Variants in BAHD1 observed in about 807,000 individuals in gnomAD.
The protein encoded by BAHD1 is bromo adjacent homology domain containing 1.
BAHD1 carries 20 observed loss-of-function variants against 63.1 expected under a neutral mutation model. The ratio of observed to expected loss-of-function variants is 0.32; its 90% confidence interval spans 0.22 to 0.46. The LOEUF (loss-of-function observed/expected upper bound fraction) is 0.46. Among genes scored for constraint, BAHD1 ranks in the 20% least tolerant of loss-of-function variants. The probability of loss-of-function intolerance (pLI) is 1.00; values close to 1 mark genes in which losing one functional copy is unlikely to be tolerated. For synonymous variants in BAHD1, 408 were observed against 426.8 expected (o/e 0.96, Z 0.54); for missense variants, 939 against 1,071.8 (o/e 0.88, Z 1.73).
At chr15:40,438,748 C>T (rs866444407), upstream of BAHD1, among the ~76,000 whole-genome samples, 127 of 152,336 alleles carry the variant, frequency 8.3e-4, no homozygotes, top group African/African-American at 2.5e-3. Flanking sequence ...CTCGGCTGAA[C>T]GTGGGCTTCC....
At chr15:40,438,188 G>C (rs1053280384), upstream of BAHD1, among the ~76,000 whole-genome samples, 1 of 120,964 alleles carries the variant, frequency 8.3e-6, no homozygotes, top group South Asian at 3.8e-4. Context: ...ATTCACTCAG[G>C]AAAGGTTACA....
intron 1 of BAHD1, among the ~76,000 whole-genome samples, chr15:40,442,305 G>T (rs1893426309): frequency 6.6e-6 from 1 of 152,022 alleles, no homozygotes; most frequent in Non-Finnish European, 1.5e-5. Context: ...GGACTGCGGG[G>T]GCCGGGGCGC....
intron 1 of BAHD1, among the ~76,000 whole-genome samples, chr15:40,442,765 T>C (rs1426342145): frequency 6.6e-6 from 1 of 152,224 alleles, no homozygotes. Flanking sequence ...AGGAATTTAA[T>C]AATGAAATAA....
In BAHD1 at chr15:40,458,664, C is replaced by T; in HGVS notation, c.200C>T (p.Pro67Leu). Residue 67 changes from proline (P) to leucine (L), a missense_variant, in exon 2 of 7, where the codon CCC becomes CTC. By Grantham distance (98) the Pro-to-Leu change is moderately conservative. Coordinates refer to ENST00000416165, the MANE Select transcript of BAHD1 (RefSeq NM_014952.5). This position sits in a 1 kb window ranked among gnomAD's most constrained non-coding sequence, Gnocchi z 4.7. ...LRKRPLVPEK[P>L]KACKVLLTRL... Reference sequence around the variant, plus strand: ...AAGCGCCCATTGGTTCCTGAGAAGCCCAAGGCCTGCAAAGTGCTGCTGACT... The same window carrying T: ...AAGCGCCCATTGGTTCCTGAGAAGCTCAAGGCCTGCAAAGTGCTGCTGACT... 1 of 1,613,880 alleles carries T rather than the reference C, an allele frequency of 6.2e-7. No homozygotes were observed.
chr15:40,452,904 A>G (rs1449377626), intron 1 of BAHD1, among the ~76,000 whole-genome samples: 2 of 152,194 alleles, frequency 1.3e-5, no homozygotes, highest in African/African-American at 4.8e-5. Context: ...GCAAGGGAAA[A>G]GGAGTGTCAT....
Position 40,467,657 on chromosome 15 carries a change from G to A in BAHD1, c.*1527G>A, listed in dbSNP as rs908792267. 20 of 152,692 alleles carry A rather than the reference G, an allele frequency of 1.3e-4. No homozygotes were observed. Among genetic ancestry groups the A allele is most frequent in the African/African-American group, 4.8e-4 (20 of 41,450 alleles). 9.5% of individuals were successfully genotyped at this position (152,692 alleles called of 1,614,324 possible). On this transcript the variant is annotated 3_prime_UTR_variant, in exon 7 of 7. Coordinates refer to ENST00000416165, the MANE Select transcript of BAHD1 (RefSeq NM_014952.5). ...CTTAGTAGATGAGTTGCTCCTGATT[G>A]GTCATTGGGTTTGGGTGAGGCCTGG...
At chr15:40,448,458 C>G (rs1893608253) in intron 1 of BAHD1, among the ~76,000 whole-genome samples, 1 of 152,138 alleles carries the variant, frequency 6.6e-6, no homozygotes, top group Non-Finnish European at 1.5e-5. Context: ...CCTGTGATGC[C>G]CTAAGTAGAG....
chr15:40,463,519 T>G (rs1234297747), intron 3 of BAHD1, among the ~76,000 whole-genome samples: 1 of 152,228 alleles, frequency 6.6e-6, no homozygotes, highest in Non-Finnish European at 1.5e-5. Context: ...GTGCCCCTTA[T>G]AACAGTGGTT....
At chr15:40,462,967 C>G (rs994965554) in intron 3 of BAHD1, among the ~76,000 whole-genome samples, 3 of 151,644 alleles carry the variant, frequency 2.0e-5, no homozygotes, top group African/African-American at 7.3e-5. Context: ...GAGACCCTGG[C>G]TTTTAAAATT....
chr15:40,464,130 C>A, intron 4 of BAHD1, 110 bp downstream of exon 4: 3 of 1,287,620 alleles, frequency 2.3e-6, no homozygotes, highest in African/African-American at 1.5e-5. Context: ...TCCCCGTGTT[C>A]CTGGCACAGA....
chr15:40,442,935 C>T (rs1306780759), intron 1 of BAHD1, among the ~76,000 whole-genome samples: 2 of 152,176 alleles, frequency 1.3e-5, no homozygotes, highest in Non-Finnish European at 2.9e-5. Flanking sequence ...GCTTAGGAAC[C>T]ACTGGCTTAA....
rs1894195614 is a variant in BAHD1 at position 40,466,086 on chromosome 15, G to T, written c.2299G>T (p.Val767Phe). The T allele has an allele frequency of 6.2e-7, 1 of 1,614,020 alleles. No homozygotes were observed. The highest frequency in any genetic ancestry group is 1.1e-5 in the South Asian group (1 of 91,094). Reference sequence around the variant, plus strand: ...TGAGCTGGTGTTCCTTTGCCGCCATGTCTATGACTTCCGCCACGGGCGCAT... The same window carrying T: ...TGAGCTGGTGTTCCTTTGCCGCCATTTCTATGACTTCCGCCACGGGCGCAT... ...DPELVFLCRH[V>F]YDFRHGRILK... is the part of the protein sequence containing the mutation. The change falls in exon 7 of 7, where the codon GTC becomes TTC. Residue 767 changes from valine to phenylalanine, a missense_variant. Val to Phe is a conservative substitution (Grantham distance 50). Around this residue, in one of 5 missense-constraint regions of BAHD1, gnomAD observed 68 missense variants for 86.2 expected, o/e 0.79. Transcript: ENST00000416165.
intron 2 of BAHD1, among the ~76,000 whole-genome samples, chr15:40,460,159 C>G (rs529214644): frequency 1.3e-5 from 2 of 152,308 alleles, no homozygotes; most frequent in South Asian, 4.1e-4. Context: ...GGTAGCATTG[C>G]AGTGGTACAG....
chr15:40,462,966 G>T (rs1450849461), intron 3 of BAHD1, among the ~76,000 whole-genome samples: 1 of 151,186 alleles, frequency 6.6e-6, no homozygotes, highest in Non-Finnish European at 1.5e-5. Flanking sequence ...AGAGACCCTG[G>T]CTTTTAAAAT....
At chr15:40,450,891 A>G (rs996457112) in intron 1 of BAHD1, among the ~76,000 whole-genome samples, 1 of 152,060 alleles carries the variant, frequency 6.6e-6, no homozygotes, top group African/African-American at 2.4e-5. Context: ...TAATCCTAAC[A>G]CTTTGGGAAT....
At chr15:40,447,152 G>C (rs1893562063) in intron 1 of BAHD1, among the ~76,000 whole-genome samples, 1 of 152,200 alleles carries the variant, frequency 6.6e-6, no homozygotes, top group South Asian at 2.1e-4. Flanking sequence ...GCCAGAAGGA[G>C]GGGTGAAGTC....
chr15:40,450,683 G>T (rs952231084), intron 1 of BAHD1, among the ~76,000 whole-genome samples: 8 of 152,150 alleles, frequency 5.3e-5, no homozygotes, highest in Non-Finnish European at 1.5e-5. Context: ...GTGTAGGTTT[G>T]CCTCTGGCTG....
rs1893986889 is a variant in BAHD1, at chr15:40,459,892, A to G, written c.1428A>G (p.Ala476=). The G allele has an allele frequency of 6.3e-7, 1 of 1,580,158 alleles. No homozygotes were observed. The highest frequency in any genetic ancestry group is 8.6e-7 in the Non-Finnish European group (1 of 1,161,814). Residue 476 remains alanine, a synonymous_variant, in exon 2 of 7, where the codon GCA becomes GCG. Coordinates refer to ENST00000416165, the MANE Select transcript of BAHD1 (RefSeq NM_014952.5). ...CGGCPYKMPF[A]AEGCRSLGQL... ...GCTGCCCATACAAAATGCCTTTTGC[A>G]GCAGGTGAGGCTTCCTGGGCCCAAG...
At chr15:40,440,868 T>G (rs982159700), upstream of BAHD1, among the ~76,000 whole-genome samples, 1 of 152,052 alleles carries the variant, frequency 6.6e-6, no homozygotes, top group African/African-American at 2.4e-5. Flanking sequence ...GGGCGGCTGA[T>G]TGGCGGAGCT....
Sources: gnomAD v4.1 joint callset for allele counts (sites outside exome capture counted in the v4.1 genomes callset) on GRCh38, gnomAD v4.1.1 for gene constraint, gnomAD v4.1.1 regional missense constraint, Gnocchi (gnomAD v3.1) non-coding constraint, MANE v1.5 for transcripts, NCBI Gene and HGNC (gene_info 2026-07-23, HGNC 2026-07-21) for gene names.